Variants in MED12L observed in about 807,000 individuals in gnomAD.
MED12L encodes the protein mediator of RNA polymerase II transcription subunit 12-like protein.
Under a neutral mutation model 281.3 loss-of-function variants are expected in MED12L, and 60 were observed. The ratio of observed to expected loss-of-function variants is 0.21; its 90% confidence interval spans 0.17 to 0.26. MED12L has a LOEUF of 0.26. Ranked by LOEUF, MED12L falls within the 10% of genes least tolerant of loss-of-function variation. The pLI is 1.00. For missense variants in MED12L, 2,146 were observed against 2,680.9 expected, an observed-to-expected ratio of 0.80 and a Z score of 4.41; for synonymous variants, 974 against 987.2, an observed-to-expected ratio of 0.99 and a Z score of 0.25.
At chr3:151,376,377 A>T (rs561408419) in intron 28 of MED12L, among the ~76,000 whole-genome samples, 163 bp downstream of exon 28, 30 of 152,244 alleles carry the variant, frequency 2.0e-4, no homozygotes, top group Non-Finnish European at 3.7e-4. Context: ...TTTTGGGTGG[A>T]TGTACATGCT....
chr3:151,320,872 C>CT (rs901167415), intron 16 of MED12L, among the ~76,000 whole-genome samples: 9 of 152,120 alleles, frequency 5.9e-5, no homozygotes, highest in Non-Finnish European at 1.3e-4. Flanking sequence ...CACTTAGCAG[C>CT]TTTTTTTACT....
Position 151,193,591 on chromosome 3 carries a change from A to C in MED12L, c.2175A>C (p.Pro725=). ...AGAAGTTGGTGAAGAGGGAAAAGCC[A>C]AGGGAATTAATTTTTCCATCTAATT... ...NCEKLVKREK[P]RELIFPSNYD... is the part of the protein sequence containing the mutation. The change falls in exon 16 of 45, where the codon CCA becomes CCC. Residue 725 remains proline, a synonymous_variant. Coordinates refer to ENST00000687756, the MANE Select transcript of MED12L (RefSeq NM_001393769.1). 1.9e-6 allele frequency: 3 copies of C among 1,614,128 alleles called. No homozygotes were observed. The highest frequency in any genetic ancestry group is 2.5e-6 in the Non-Finnish European group (3 of 1,179,966).
chr3:151,136,960 A>C (rs958277852), intron 5 of MED12L, among the ~76,000 whole-genome samples: 1 of 152,004 alleles, frequency 6.6e-6, no homozygotes, highest in Non-Finnish European at 1.5e-5. Flanking sequence ...TCAGGAGATC[A>C]AGACCATCCT....
At chr3:151,093,593 T>G (rs546855968) in intron 2 of MED12L, among the ~76,000 whole-genome samples, 1 of 152,328 alleles carries the variant, frequency 6.6e-6, no homozygotes, top group South Asian at 2.1e-4. Flanking sequence ...GCAAATGAGT[T>G]TAGTTACTTT....
At chr3:151,199,486 C>T in intron 16 of MED12L, 2 of 1,045,128 alleles carry the variant, frequency 1.9e-6, no homozygotes, top group South Asian at 3.2e-5. Flanking sequence ...AAATTAGCAA[C>T]TATTTTCTTT....
chr3:151,198,390 G>C, intron 16 of MED12L: 1 of 1,414,844 alleles, frequency 7.1e-7, no homozygotes, highest in Non-Finnish European at 9.6e-7. Context: ...TTATGGTCCA[G>C]TAAGGCCAGA....
At chr3:151,141,174 T>TTTTTGTTTG (rs1560087710) in intron 5 of MED12L, among the ~76,000 whole-genome samples, 66 of 122,738 alleles carry the variant, frequency 5.4e-4, no homozygotes, top group African/African-American at 2.4e-3. Context: ...GCGTTTTTTT[T>TTTTTGTTTG]TTTGTTTTTT....
At chr3:151,242,414 C>T (rs1289313540) in intron 16 of MED12L, among the ~76,000 whole-genome samples, 2 of 152,200 alleles carry the variant, frequency 1.3e-5, no homozygotes, top group Admixed American at 1.3e-4. Context: ...TCCCAGCACG[C>T]AGCTGGAGAT....
chr3:151,250,124 C>A (rs1299608891), intron 16 of MED12L, among the ~76,000 whole-genome samples: 1 of 152,156 alleles, frequency 6.6e-6, no homozygotes, highest in East Asian at 1.9e-4. Flanking sequence ...TTTGCTGTCT[C>A]CACTTTCCCA....
intron 16 of MED12L, among the ~76,000 whole-genome samples, chr3:151,282,502 A>G (rs1396564149): frequency 6.6e-6 from 1 of 152,152 alleles, no homozygotes; most frequent in Non-Finnish European, 1.5e-5. Context: ...AGAGGATTTT[A>G]GTAAAGGCCC....
At chr3:151,195,193 C>T (rs1345892160) in intron 16 of MED12L, among the ~76,000 whole-genome samples, 1 of 152,058 alleles carries the variant, frequency 6.6e-6, no homozygotes, top group Non-Finnish European at 1.5e-5. Context: ...AGATGTATTA[C>T]GTTACTTTCT....
chr3:151,291,814 G>A (rs949879864), intron 16 of MED12L, among the ~76,000 whole-genome samples: 1 of 152,196 alleles, frequency 6.6e-6, no homozygotes, highest in East Asian at 1.9e-4. Context: ...CGTGGGAATT[G>A]GTATGAAATA....
At chr3:151,319,708 A>G (rs1455682123) in intron 16 of MED12L, among the ~76,000 whole-genome samples, 1 of 152,122 alleles carries the variant, frequency 6.6e-6, no homozygotes, top group Non-Finnish European at 1.5e-5. Flanking sequence ...CGACAGTAAA[A>G]TGTCAGATTA....
intron 16 of MED12L, among the ~76,000 whole-genome samples, chr3:151,263,978 C>T (rs1739387047): frequency 6.6e-6 from 1 of 152,188 alleles, no homozygotes. Flanking sequence ...GATCTCTTAC[C>T]ACCACTCCTT....
At chr3:151,244,636 A>G (rs1197352625) in intron 16 of MED12L, among the ~76,000 whole-genome samples, 4 of 151,074 alleles carry the variant, frequency 2.6e-5, no homozygotes, top group African/African-American at 9.7e-5. Flanking sequence ...AGGGAAATTT[A>G]TAGCACTAAA....
chr3:151,425,386 C>T (rs537219524), intron 43 of MED12L: 1 of 228,670 alleles, frequency 4.4e-6, no homozygotes, highest in East Asian at 1.0e-4. Context: ...CATCAAAATA[C>T]ATTATCAGAA....
intron 16 of MED12L, among the ~76,000 whole-genome samples, chr3:151,222,200 C>T (rs2149272123): frequency 6.6e-6 from 1 of 152,346 alleles, no homozygotes; most frequent in East Asian, 1.9e-4. Flanking sequence ...AAGTAACTAA[C>T]TTGCTTTAGA....
chr3:151,209,225 A>G (rs1726794619), intron 16 of MED12L, among the ~76,000 whole-genome samples: 2 of 152,214 alleles, frequency 1.3e-5, no homozygotes, highest in South Asian at 2.1e-4. Context: ...AGGGGGAGAT[A>G]GGAATGCAGT....
intron 8 of MED12L, among the ~76,000 whole-genome samples, chr3:151,161,248 T>C (rs1181256080): frequency 6.6e-6 from 1 of 150,996 alleles, no homozygotes; most frequent in Non-Finnish European, 1.5e-5. Context: ...TTGGACTATT[T>C]TGGACTGTTT....
Sources: gnomAD v4.1 joint callset for allele counts (sites outside exome capture counted in the v4.1 genomes callset) on GRCh38, gnomAD v4.1.1 for gene constraint, MANE v1.5 for transcripts, NCBI Gene and HGNC (gene_info 2026-07-23, HGNC 2026-07-21) for gene names.